Variants in LRRC7 observed in about 807,000 individuals in gnomAD.
The protein encoded by LRRC7 is leucine rich repeat containing 7, also known as leucine-rich repeat-containing protein 7.
Under a neutral mutation model 175.7 loss-of-function variants are expected in LRRC7, and 23 were observed. That is an observed-to-expected ratio of 0.13 (90% confidence interval 0.09 to 0.19). The LOEUF (loss-of-function observed/expected upper bound fraction) is 0.19, where lower values mean the gene tolerates loss of function less well. Ranked by LOEUF, LRRC7 falls within the 10% of genes least tolerant of loss-of-function variation. The pLI is 1.00. For synonymous variants in LRRC7, 685 were observed against 680.9 expected (o/e 1.01, Z -0.09); for missense variants, 1,354 against 1,904.7 (o/e 0.71, Z 5.38).
At chr1:70,045,021 G>T (rs1660219633) in intron 22 of LRRC7, among the ~76,000 whole-genome samples, 1 of 152,030 alleles carries the variant, frequency 6.6e-6, no homozygotes, top group Admixed American at 6.6e-5. Flanking sequence ...CCATCAAAAT[G>T]AGGGTCATAA....
chr1:70,021,377 A>G, intron 16 of LRRC7: 1 of 287,684 alleles, frequency 3.5e-6, no homozygotes. Context: ...AGAGAGATTC[A>G]AGCTGAGGGA....
intron 22 of LRRC7, among the ~76,000 whole-genome samples, chr1:70,051,268 A>G (rs902397293): frequency 6.6e-6 from 1 of 152,024 alleles, no homozygotes; most frequent in African/African-American, 2.4e-5. Context: ...AAAAATCTAC[A>G]TTGCACAGAC....
chr1:69,999,139 A>C (rs1237505857), intron 11 of LRRC7, among the ~76,000 whole-genome samples: 1 of 152,230 alleles, frequency 6.6e-6, no homozygotes, highest in Non-Finnish European at 1.5e-5. Flanking sequence ...GTCCTTTGAA[A>C]TCTTCCTGGT....
intron 1 of LRRC7, among the ~76,000 whole-genome samples, chr1:69,611,607 C>G (rs972039453): frequency 2.6e-5 from 4 of 151,978 alleles, no homozygotes; most frequent in Admixed American, 2.6e-4. Flanking sequence ...TAATTAATGT[C>G]GAACTCATGG....
intron 1 of LRRC7, among the ~76,000 whole-genome samples, chr1:69,620,875 C>T (rs1239018452): frequency 6.6e-6 from 1 of 152,082 alleles, no homozygotes; most frequent in East Asian, 1.9e-4. Flanking sequence ...TAAAGTAATA[C>T]TCACAAATAT....
At chr1:69,713,013 G>A (rs550932174) in intron 2 of LRRC7, among the ~76,000 whole-genome samples, 75 of 152,152 alleles carry the variant, frequency 4.9e-4, no homozygotes, top group African/African-American at 1.7e-3. Context: ...GGAGGGGCAC[G>A]TTTTGTTTTC....
Position 70,134,531 on chromosome 1 carries a change from T to C in LRRC7, c.*12644T>C, listed in dbSNP as rs1237598416. The stretch of plus-strand genomic sequence containing the variant: ...GTTCCCCTGCCAACCATTTAATCTT[T>C]TTTTCTTCCAACCCGGAGCAAAGGT... On this transcript the variant is annotated 3_prime_UTR_variant, in exon 27 of 27. Coordinates refer to ENST00000651989, the MANE Select transcript of LRRC7 (RefSeq NM_001370785.2). 1.3e-5 allele frequency among the ~76,000 whole-genome samples: 2 copies of C among 152,188 alleles called. No individual in the cohort carries two copies. The highest frequency in any genetic ancestry group is 2.9e-5 in the Non-Finnish European group (2 of 68,028).
At chr1:69,946,336 G>A (rs952930959) in intron 8 of LRRC7, among the ~76,000 whole-genome samples, 3 of 152,072 alleles carry the variant, frequency 2.0e-5, no homozygotes, top group Non-Finnish European at 4.4e-5. Flanking sequence ...ACTTACAAAT[G>A]TTCTGTGTGC....
In LRRC7 at chr1:69,967,675, G is replaced by T. The variant is rs367670153; in HGVS notation, c.712-12704G>T. Reference sequence around the variant, plus strand: ...TCCCAGCCCAGAGCCTGGCAGACTTGCTGGGTGGCTAGATCCAGAAGAGAG... The same window carrying T: ...TCCCAGCCCAGAGCCTGGCAGACTTTCTGGGTGGCTAGATCCAGAAGAGAG... On this transcript the variant is annotated intron_variant, in intron 8 of 26. Transcript: ENST00000651989. 4.4e-4 allele frequency among the ~76,000 whole-genome samples: 67 copies of T among 152,302 alleles called. 1 individual carries two copies. The highest frequency in any genetic ancestry group is 1.5e-3 in the African/African-American group (62 of 41,576).
chr1:69,849,737 A>G (rs1172955481), intron 7 of LRRC7, among the ~76,000 whole-genome samples: 1 of 151,994 alleles, frequency 6.6e-6, no homozygotes, highest in African/African-American at 2.4e-5. Flanking sequence ...TTTTCCTCCT[A>G]CCACTGCCTA....
At chr1:69,806,111 G>C (rs896631014) in intron 4 of LRRC7, among the ~76,000 whole-genome samples, 1 of 151,892 alleles carries the variant, frequency 6.6e-6, no homozygotes, top group African/African-American at 2.4e-5. Flanking sequence ...TAAACTCCTT[G>C]AAAACAAGAA....
At chr1:70,051,211 A>T (rs546595390) in intron 22 of LRRC7, among the ~76,000 whole-genome samples, 255 of 152,164 alleles carry the variant, frequency 1.7e-3, no homozygotes, top group Non-Finnish European at 3.0e-3. Flanking sequence ...AGAGTTGGGG[A>T]GGATGTGGAG....
rs1270187153 is a variant in LRRC7, at chr1:70,122,273, T to C, written c.*386T>C. The C allele has an allele frequency of 6.4e-6, 1 of 155,710 alleles. No individual in the cohort carries two copies. The highest frequency in any genetic ancestry group is 1.4e-5 in the Non-Finnish European group (1 of 70,214). 9.6% of individuals were successfully genotyped at this position (155,710 alleles called of 1,614,324 possible). A position where few individuals can be genotyped will look rare whatever the true frequency, so the allele number is the denominator to read the frequency against. ...CCTCAAAGTTGTATATGCCTTTATA[T>C]AGAAAATACAAATATAAAGAATTGT... On this transcript the variant is annotated 3_prime_UTR_variant, in exon 27 of 27. Coordinates refer to ENST00000651989, the MANE Select transcript of LRRC7 (RefSeq NM_001370785.2).
intron 7 of LRRC7, among the ~76,000 whole-genome samples, chr1:69,865,732 A>G (rs1035016741): frequency 1.3e-5 from 2 of 151,868 alleles, no homozygotes; most frequent in African/African-American, 4.8e-5. Flanking sequence ...TGCCCGCCTC[A>G]GCCTCCCAAA....
chr1:70,107,037 C>A (rs1296042485), intron 25 of LRRC7, among the ~76,000 whole-genome samples: 1 of 152,208 alleles, frequency 6.6e-6, no homozygotes, highest in Admixed American at 6.5e-5. Flanking sequence ...TATATTCTGT[C>A]TATCTCTATA....
chr1:70,010,885 C>G (rs1656442976), intron 11 of LRRC7, among the ~76,000 whole-genome samples: 1 of 151,990 alleles, frequency 6.6e-6, no homozygotes, highest in African/African-American at 2.4e-5. Context: ...GTAAAGCCGG[C>G]TAAGTATGGA....
At chr1:69,865,867 C>A (rs552175942) in intron 7 of LRRC7, among the ~76,000 whole-genome samples, 2 of 152,100 alleles carry the variant, frequency 1.3e-5, no homozygotes, top group African/African-American at 4.8e-5. Flanking sequence ...CCAGGATAAC[C>A]TCAGATTCAC....
At chr1:69,784,088 T>C (rs1361881007) in intron 3 of LRRC7, among the ~76,000 whole-genome samples, 11 of 152,182 alleles carry the variant, frequency 7.2e-5, no homozygotes, top group Non-Finnish European at 1.2e-4. Flanking sequence ...TACATTAACA[T>C]TGAATACTAT....
intron 3 of LRRC7, among the ~76,000 whole-genome samples, chr1:69,765,804 A>G (rs1671562321): frequency 6.6e-6 from 1 of 152,014 alleles, no homozygotes; most frequent in Admixed American, 6.6e-5. Flanking sequence ...TCTCTTGACT[A>G]TTTTTCAGAC....
Sources: allele counts gnomAD v4.1 joint callset (sites outside exome capture counted in the v4.1 genomes callset), GRCh38; gene constraint gnomAD v4.1.1; transcripts MANE v1.5; gene names NCBI Gene and HGNC (gene_info 2026-07-23, HGNC 2026-07-21).